SDC2: variants seen among roughly 807,000 people sequenced by gnomAD.
SDC2 encodes the protein syndecan 2, also known as syndecan-2.
In SDC2, 13 loss-of-function variants were observed where a neutral mutation model predicts 22.2. The ratio of observed to expected loss-of-function variants is 0.59; its 90% confidence interval spans 0.38 to 0.93. SDC2 has a LOEUF of 0.93. Ranked by LOEUF, SDC2 falls within the 40% of genes least tolerant of loss-of-function variation. The probability of loss-of-function intolerance (pLI) is 0.00; values close to 1 mark genes in which losing one functional copy is unlikely to be tolerated. For missense variants in SDC2, 235 were observed against 246.8 expected (o/e 0.95, Z 0.32); for synonymous variants, 94 against 92.8 (o/e 1.01, Z -0.07).
intron 2 of SDC2, among the ~76,000 whole-genome samples, chr8:96,601,640 CAAAA>C (rs749025894): frequency 1.5e-5 from 1 of 66,686 alleles, no homozygotes; most frequent in African/African-American, 6.1e-5. Flanking sequence ...ACTCCATCTC[CAAAA>C]AAAAAAAAAA....
intron 2 of SDC2, among the ~76,000 whole-genome samples, chr8:96,595,246 AAC>A (rs1445238262): frequency 6.6e-6 from 1 of 152,226 alleles, no homozygotes; most frequent in African/African-American, 2.4e-5. Flanking sequence ...AATGACCCAG[AAC>A]AGATTAAAAT....
chr8:96,581,267 A>G (rs910249392), intron 1 of SDC2, among the ~76,000 whole-genome samples: 4 of 152,164 alleles, frequency 2.6e-5, no homozygotes, highest in Admixed American at 2.6e-4. Context: ...TTAAGCATGT[A>G]ATTTTATCAT....
chr8:96,495,890 T>TG (rs376756673), intron 1 of SDC2, among the ~76,000 whole-genome samples: 14 of 152,326 alleles, frequency 9.2e-5, no homozygotes, highest in African/African-American at 1.2e-4. Context: ...GCCTTATCAG[T>TG]GTTTCCCTTT....
intron 1 of SDC2, among the ~76,000 whole-genome samples, chr8:96,501,414 C>G (rs1023115736): frequency 6.8e-6 from 1 of 147,054 alleles, no homozygotes; most frequent in Non-Finnish European, 1.5e-5. Context: ...AAGTGAATCT[C>G]CTGCCTCAAC....
At chr8:96,538,781 C>G (rs1195810315) in intron 1 of SDC2, 2 of 152,234 alleles carry the variant, frequency 1.3e-5, no homozygotes, top group African/African-American at 4.8e-5. Flanking sequence ...TAAAGAAAAT[C>G]ATTAGCCCTG....
At chr8:96,553,463 T>C (rs1386452955) in intron 1 of SDC2, among the ~76,000 whole-genome samples, 3 of 130,606 alleles carry the variant, frequency 2.3e-5, no homozygotes, top group Non-Finnish European at 5.2e-5. Context: ...TTTTTTTTTT[T>C]TCTTTTAAGT....
intron 1 of SDC2, among the ~76,000 whole-genome samples, chr8:96,537,684 C>T (rs868199611): frequency 4.6e-5 from 7 of 152,076 alleles, no homozygotes; most frequent in Non-Finnish European, 8.8e-5. Flanking sequence ...TTACTGGTTT[C>T]GGATGCTATT....
intron 1 of SDC2, among the ~76,000 whole-genome samples, chr8:96,544,378 T>C (rs1813899100): frequency 6.6e-6 from 1 of 152,160 alleles, no homozygotes; most frequent in South Asian, 2.1e-4. Flanking sequence ...TCTGTCTGTA[T>C]TCTTTACCTC....
chr8:96,494,127 GAGCCCGAGTCCCCGAGCC>G lies in SDC2; in HGVS notation c.-144_-127del. 1.3e-6 allele frequency: 1 copy of G among 782,432 alleles called. No homozygotes were observed. The highest frequency in any genetic ancestry group is 1.9e-6 in the Non-Finnish European group (1 of 512,890). 48.5% of individuals were successfully genotyped at this position (782,432 alleles called of 1,614,324 possible). A position where few individuals can be genotyped will look rare whatever the true frequency, so the allele number is the denominator to read the frequency against. On this transcript the variant is annotated 5_prime_UTR_variant, in exon 1 of 5. Coordinates refer to ENST00000302190, the MANE Select transcript of SDC2 (RefSeq NM_002998.4). Reference sequence around the variant, plus strand: ...GAGGAAGCGAGCGCCCCCGAGCCCCGAGCCCGAGTCCCCGAGCCTGAGCCGCAATCGCTGCGGTACTCT... The same window carrying G: ...GAGGAAGCGAGCGCCCCCGAGCCCCGTGAGCCGCAATCGCTGCGGTACTCT...
At chr8:96,504,756 T>TAC in intron 1 of SDC2, among the ~76,000 whole-genome samples, 1 of 152,272 alleles carries the variant, frequency 6.6e-6, no homozygotes, top group East Asian at 1.9e-4. Flanking sequence ...ATGGGACATA[T>TAC]ATTTTCACAA....
chr8:96,540,340 G>GTATATATATATA (rs1554601718), intron 1 of SDC2, among the ~76,000 whole-genome samples: 2,263 of 123,592 alleles, frequency 0.018, 64 homozygotes, highest in African/African-American at 0.06. Context: ...ATATATATGT[G>GTATATATATATA]TATATATATA....
chr8:96,531,519 T>A (rs1262747716), intron 1 of SDC2, among the ~76,000 whole-genome samples: 1 of 152,162 alleles, frequency 6.6e-6, no homozygotes, highest in Admixed American at 6.5e-5. Context: ...ATTTAAAAAA[T>A]TTTATTTACA....
At chr8:96,569,396 C>G (rs1011241145) in intron 1 of SDC2, among the ~76,000 whole-genome samples, 6 of 152,168 alleles carry the variant, frequency 3.9e-5, no homozygotes, top group Admixed American at 6.5e-5. Context: ...AGGTTAGGTT[C>G]TCTTACTGGG....
chr8:96,552,761 A>T (rs1378931647), intron 1 of SDC2, among the ~76,000 whole-genome samples: 1 of 152,202 alleles, frequency 6.6e-6, no homozygotes, highest in Non-Finnish European at 1.5e-5. Context: ...CTTAGAAGGA[A>T]TACTTTAAAA....
At position 96,494,283 on chromosome 8, in the gene SDC2, G is replaced by A; in HGVS notation, c.12G>A (p.Ala4=). 6.5e-7 allele frequency: 1 copy of A among 1,546,810 alleles called. No individual in the cohort carries two copies. The highest frequency in any genetic ancestry group is 8.7e-7 in the Non-Finnish European group (1 of 1,149,544). Residue 4 remains alanine (A), a synonymous_variant, in exon 1 of 5, where the codon GCG becomes GCA. Transcript: ENST00000302190. The part of the protein sequence containing the change: MRR[A]WILLTLGLVA... ...GGTCCCTGGGGAATATGCGGCGCGC[G>A]TGGATCCTGCTCACCTTGGGCTTGG... is the stretch of plus-strand genomic sequence containing the variant.
intron 1 of SDC2, among the ~76,000 whole-genome samples, chr8:96,520,347 G>A (rs575458098): frequency 6.6e-6 from 1 of 152,224 alleles, no homozygotes; most frequent in South Asian, 2.1e-4. Context: ...AGAAATTAGC[G>A]TGAGATCTAT....
At chr8:96,534,671 AGCC>A (rs1813723508) in intron 1 of SDC2, among the ~76,000 whole-genome samples, 1 of 151,838 alleles carries the variant, frequency 6.6e-6, no homozygotes, top group African/African-American at 2.4e-5. Flanking sequence ...TCCTGGACTC[AGCC>A]AGTCTTCCTA....
chr8:96,496,096 T>A (rs773284805), intron 1 of SDC2, among the ~76,000 whole-genome samples: 2 of 152,202 alleles, frequency 1.3e-5, no homozygotes, highest in Non-Finnish European at 2.9e-5. Context: ...TGCACATGGT[T>A]AAGGAGGCCC....
intron 1 of SDC2, among the ~76,000 whole-genome samples, chr8:96,572,733 G>C: frequency 6.6e-6 from 1 of 152,172 alleles, no homozygotes; most frequent in East Asian, 1.9e-4. Flanking sequence ...TAGGATCACT[G>C]TTGGTGTCAT....
Sources: gnomAD v4.1 joint callset for allele counts (sites outside exome capture counted in the v4.1 genomes callset) on GRCh38, gnomAD v4.1.1 for gene constraint, MANE v1.5 for transcripts, NCBI Gene and HGNC (gene_info 2026-07-23, HGNC 2026-07-21) for gene names.